PJA2: variants seen among roughly 807,000 people sequenced by gnomAD.
PJA2 encodes the protein E3 ubiquitin-protein ligase Praja-2.
A neutral mutation model predicts 69.3 loss-of-function variants in PJA2; 25 were observed. The observed-to-expected ratio is 0.36, with a 90% CI of 0.26 to 0.50. The LOEUF (loss-of-function observed/expected upper bound fraction) is 0.50. PJA2 is among the 20% of genes least tolerant of loss of function. The pLI, the probability that PJA2 is intolerant of heterozygous loss-of-function variation, is 0.96. For synonymous variants in PJA2, 308 were observed against 277.8 expected, an observed-to-expected ratio of 1.11 and a Z score of -1.08; for missense variants, 809 against 830.2, an observed-to-expected ratio of 0.97 and a Z score of 0.31.
intron 1 of PJA2, among the ~76,000 whole-genome samples, chr5:109,398,044 T>C (rs550566336): frequency 1.3e-5 from 2 of 152,156 alleles, no homozygotes; most frequent in African/African-American, 4.8e-5. Flanking sequence ...AAGAGACATA[T>C]GAAAAAATGC....
chr5:109,354,444 TAG>T lies in PJA2; in HGVS notation c.1764+1469_1764+1470del, dbSNP rs1248421069. On this transcript the variant is annotated intron_variant, in intron 7 of 9. Transcript: ENST00000361189. ...TATCTATGATATCTAGAGATGTCTATAGATTAGATATCTATGATATCTAGAGA... is the reference window on the plus strand; with the variant it reads ...TATCTATGATATCTAGAGATGTCTATATTAGATATCTATGATATCTAGAGA... Among the ~76,000 whole-genome samples, 16 of 138,038 alleles carry T rather than the reference TAG, an allele frequency of 1.2e-4. 3 individuals carry two copies. Among genetic ancestry groups the T allele is most frequent in the Non-Finnish European group, 2.3e-4 (15 of 63,986 alleles). 90.6% of individuals were successfully genotyped at this position (138,038 alleles called of 152,430 possible). A position where few individuals can be genotyped will look rare whatever the true frequency, so the allele number is the denominator to read the frequency against.
intron 1 of PJA2, among the ~76,000 whole-genome samples, chr5:109,392,559 T>G (rs1747305478): frequency 5.9e-5 from 2 of 33,648 alleles, no homozygotes; most frequent in African/African-American, 3.5e-4. Flanking sequence ...AGACTCCATC[T>G]CAAAAAAAAA....
In PJA2 at chr5:109,344,970, AG is replaced by A. The variant is rs1178245630; in HGVS notation, c.1765-152del. 103 of 508,498 alleles carry A rather than the reference AG, an allele frequency of 2.0e-4. No homozygotes were observed. The East Asian group carries it at 2.4e-3, about 12-fold the overall frequency. 31.5% of individuals were successfully genotyped at this position (508,498 alleles called of 1,614,324 possible). On this transcript the variant is annotated intron_variant, in intron 7 of 9. Coordinates refer to ENST00000361189, the MANE Select transcript of PJA2 (RefSeq NM_014819.5). ...CCTTTGCTCCTTTTGCCTCTTCAGA[AG>A]GAACTACCACCATCACCAACAAACC... is the stretch of plus-strand genomic sequence containing the variant.
intron 1 of PJA2, among the ~76,000 whole-genome samples, chr5:109,408,832 G>A (rs564047645): frequency 6.6e-6 from 1 of 152,280 alleles, no homozygotes; most frequent in Admixed American, 6.5e-5. Flanking sequence ...TTATCCTCAG[G>A]TTTATTCACA....
chr5:109,362,756 C>T, intron 6 of PJA2, 84 bp downstream of exon 6: 2 of 1,313,198 alleles, frequency 1.5e-6, no homozygotes, highest in Non-Finnish European at 2.1e-6. Context: ...TAATATTTCT[C>T]AGCTAGCAGA....
At chr5:109,344,614 A>C in intron 8 of PJA2, 91 bp downstream of exon 8, 1 of 868,650 alleles carries the variant, frequency 1.2e-6, no homozygotes, top group Non-Finnish European at 1.7e-6. Context: ...GAAAGTTTCT[A>C]ATAATCAAGT....
rs1437245662 is a variant in PJA2 at position 109,337,293 on chromosome 5, G to T, written c.2065C>A (p.Pro689Thr). 2 of 1,613,474 alleles carry T rather than the reference G, an allele frequency of 1.2e-6. No homozygotes were observed. ...PPAVIEASAA[P>T]SSEPDPDAPP... ...GCATCAGGATCAGGCTCAGAGGAAGGAGCTGCAGATGCTTCAATAACCGCA... is the reference window on the plus strand; with the variant it reads ...GCATCAGGATCAGGCTCAGAGGAAGTAGCTGCAGATGCTTCAATAACCGCA... The change falls in exon 10 of 10, where the codon CCT becomes ACT. Residue 689 changes from proline (P) to threonine (T), a missense_variant. Around this residue, in one of 4 missense-constraint regions of PJA2, gnomAD observed 35 missense variants for 37.0 expected, o/e 0.94. Transcript: ENST00000361189.
intron 6 of PJA2, among the ~76,000 whole-genome samples, chr5:109,361,181 T>C (rs907316124): frequency 3.9e-5 from 6 of 152,176 alleles, no homozygotes; most frequent in African/African-American, 1.4e-4. Context: ...CTTCAAATAT[T>C]TAGGTAAAAC....
Position 109,351,948 on chromosome 5 carries a change from A to T in PJA2, c.1764+3967T>A, listed in dbSNP as rs557656803. 2.0e-5 allele frequency among the ~76,000 whole-genome samples: 3 copies of T among 152,318 alleles called. No homozygotes were observed. The South Asian group carries it at 6.2e-4, about 32-fold the overall frequency. ...AAATGCATACTGAACACAGAAAAACAGATTTCTGAAGAGTGACAGGAAGAC... is the reference window on the plus strand; with the variant it reads ...AAATGCATACTGAACACAGAAAAACTGATTTCTGAAGAGTGACAGGAAGAC... On this transcript the variant is annotated intron_variant, in intron 7 of 9. Transcript: ENST00000361189.
chr5:109,363,566 A>T (rs1762533524), intron 5 of PJA2, among the ~76,000 whole-genome samples: 2 of 152,132 alleles, frequency 1.3e-5, no homozygotes, highest in African/African-American at 4.8e-5. Flanking sequence ...CTTGCACTGA[A>T]TTTTTACTTT....
rs1255810431 is a variant in PJA2, at chr5:109,409,929, C to T, written c.-175G>A. The T allele has an allele frequency of 9.9e-5, 20 of 202,856 alleles. No homozygotes were observed. The highest frequency in any genetic ancestry group is 2.0e-5 in the Non-Finnish European group (2 of 102,234). 12.6% of individuals were successfully genotyped at this position (202,856 alleles called of 1,614,324 possible). ...TCTTCTCCGCCTCCAACTCCTCCCC[C>T]GCCGAACGCGAAGCGGCTGGCGGCT... On this transcript the variant is annotated 5_prime_UTR_variant, in exon 1 of 10. Coordinates refer to ENST00000361189, the MANE Select transcript of PJA2 (RefSeq NM_014819.5).
chr5:109,343,232 T>C (rs1191961875), intron 9 of PJA2, among the ~76,000 whole-genome samples: 1 of 105,078 alleles, frequency 9.5e-6, no homozygotes, highest in Admixed American at 1.1e-4. Context: ...CTCTGAAACA[T>C]GTGCTGTGTC....
chr5:109,378,586 C>T lies in PJA2; in HGVS notation c.901G>A (p.Asp301Asn). 6.2e-7 allele frequency: 1 copy of T among 1,614,154 alleles called. No homozygotes were observed. Among genetic ancestry groups the T allele is most frequent in the Non-Finnish European group, 8.5e-7 (1 of 1,180,010 alleles). The change falls in exon 4 of 10, where the codon GAT (aspartate) becomes AAT (asparagine). Residue 301 changes from aspartate (D) to asparagine (N), a missense_variant. Around this residue, in one of 4 missense-constraint regions of PJA2, gnomAD observed 700 missense variants for 639.5 expected, o/e 1.09. Transcript: ENST00000361189. ...GAACTTCCATGGTTCTTTTCCCTAT[C>T]ATTGGTATTTTGTTCACTACAAATA... ...GHICSEQNTNDREKNHGSSPE... is the reference protein window; with the variant it reads ...GHICSEQNTNNREKNHGSSPE...
rs940811398 is a variant in PJA2 at position 109,353,561 on chromosome 5, T to C, written c.1764+2354A>G. Among the ~76,000 whole-genome samples, 11 of 143,424 alleles carry C rather than the reference T, an allele frequency of 7.7e-5. 1 individual carries two copies. The highest frequency in any genetic ancestry group is 2.8e-4 in the African/African-American group (11 of 39,572). The allele number at this position is 143,424 out of a possible 152,430, so 94.1% of individuals were successfully genotyped here. The stretch of plus-strand genomic sequence containing the variant: ...ATCATAGATATCTATATATTAGATA[T>C]CTATAATATCATAGACATCTATATA... On this transcript the variant is annotated intron_variant, in intron 7 of 9. Coordinates refer to ENST00000361189, the MANE Select transcript of PJA2 (RefSeq NM_014819.5).
intron 7 of PJA2, among the ~76,000 whole-genome samples, chr5:109,354,651 A>G (rs1311495381): frequency 2.7e-5 from 4 of 146,924 alleles, no homozygotes; most frequent in Non-Finnish European, 6.0e-5. Flanking sequence ...TATGTTATAT[A>G]TCTAATATAT....
chr5:109,354,977 C>G (rs1299789900), intron 7 of PJA2, among the ~76,000 whole-genome samples: 1 of 151,802 alleles, frequency 6.6e-6, no homozygotes, highest in Admixed American at 6.6e-5. Context: ...AAAACCAAAA[C>G]CAGGTCTGAT....
At position 109,378,705 on chromosome 5, in the gene PJA2, T is replaced by C. The variant is rs1200660758; in HGVS notation, c.782A>G (p.Gln261Arg). 1.9e-6 allele frequency: 3 copies of C among 1,613,556 alleles called. No homozygotes were observed. Among genetic ancestry groups the C allele is most frequent in the Non-Finnish European group, 1.7e-6 (2 of 1,179,964 alleles). The change falls in exon 4 of 10, where the codon CAA becomes CGA. Residue 261 changes from glutamine (Q) to arginine (R), a missense_variant. Gln to Arg is a conservative substitution (Grantham distance 43, BLOSUM62 1). Around this residue, in one of 4 missense-constraint regions of PJA2, gnomAD observed 700 missense variants for 639.5 expected, o/e 1.09. Transcript: ENST00000361189. Reference sequence around the variant, plus strand: ...TTGTTTCGTACTAACCATTTCATCTTGAGAAGACCTCTGAATTTCCTGGCT... The same window carrying C: ...TTGTTTCGTACTAACCATTTCATCTCGAGAAGACCTCTGAATTTCCTGGCT... ...QNSQEIQRSS[Q>R]DEMVSTKQQN... is the part of the protein sequence containing the mutation.
rs1761938220 is a variant in PJA2 at position 109,336,289 on chromosome 5, G to C, written c.*942C>G. The C allele has an allele frequency of 6.6e-6, 1 of 152,188 alleles. No homozygotes were observed. The allele number at this position is 152,188 out of a possible 1,614,324, so 9.4% of individuals were successfully genotyped here. A position where few individuals can be genotyped will look rare whatever the true frequency, so the allele number is the denominator to read the frequency against. ...CCACTGTGTGTGATCACCTGAAGGA[G>C]ACATTGTGCATCTTAGTTTGGGGTT... On this transcript the variant is annotated 3_prime_UTR_variant, in exon 10 of 10. Transcript: ENST00000361189.
chr5:109,337,638 T>C (rs1477028747), intron 9 of PJA2, among the ~76,000 whole-genome samples: 1 of 152,170 alleles, frequency 6.6e-6, no homozygotes, highest in Non-Finnish European at 1.5e-5. Context: ...TAAGAGCTGC[T>C]AAACTCAGCA....
Sources: gnomAD v4.1 joint callset for allele counts (sites outside exome capture counted in the v4.1 genomes callset) on GRCh38, gnomAD v4.1.1 for gene constraint, gnomAD v4.1.1 regional missense constraint, MANE v1.5 for transcripts, NCBI Gene and HGNC (gene_info 2026-07-23, HGNC 2026-07-21) for gene names.